BCS1L: variants seen among roughly 807,000 people sequenced by gnomAD.
The protein encoded by BCS1L is mitochondrial chaperone BCS1.
A neutral mutation model predicts 49.3 loss-of-function variants in BCS1L; 38 were observed. That is an observed-to-expected ratio of 0.77 (90% CI 0.59 to 1.01). The LOEUF (loss-of-function observed/expected upper bound fraction) is 1.01. Among genes scored for constraint, BCS1L ranks in the 50% least tolerant of loss-of-function variants. The pLI, the probability that BCS1L is intolerant of heterozygous loss-of-function variation, is 0.00. For synonymous variants in BCS1L, 193 were observed against 210.1 expected (o/e 0.92, Z 0.70); for missense variants, 394 against 540.2 (o/e 0.73, Z 2.68).
upstream of BCS1L, chr2:218,659,602 G>C (rs1379574537): frequency 6.6e-6 from 1 of 152,296 alleles, no homozygotes; most frequent in African/African-American, 2.4e-5. This position sits in a 1 kb window ranked among gnomAD's most constrained non-coding sequence, Gnocchi z 4.4. Flanking sequence ...GCACCATCGA[G>C]AGCTCTGGGG....
At chr2:218,660,882 G>C (rs1939304508) in intron 1 of BCS1L, 57 bp from the exon 2 acceptor site, 1 of 1,289,998 alleles carries the variant, frequency 7.8e-7, no homozygotes, top group East Asian at 2.3e-5. Context: ...GCCAGGGCTG[G>C]GGAGGTCCAA....
Position 218,662,877 on chromosome 2 carries a change from C to T in BCS1L, c.890-6C>T, listed in dbSNP as rs2106330666. Reference sequence around the variant, plus strand: ...CTCATGCTTCCTTATCTTTGCCTTCCTCCAGACCCAGTAAAGTACCAAGGC... The same window carrying T: ...CTCATGCTTCCTTATCTTTGCCTTCTTCCAGACCCAGTAAAGTACCAAGGC... On this transcript the variant is annotated splice_polypyrimidine_tract_variant and splice_region_variant and intron_variant, in intron 6 of 7. Transcript: ENST00000359273. This position sits in a 1 kb window ranked among gnomAD's most constrained non-coding sequence, Gnocchi z 5.8. 4 of 1,613,568 alleles carry T rather than the reference C, an allele frequency of 2.5e-6. No individual in the cohort carries two copies. The highest frequency in any genetic ancestry group is 3.4e-6 in the Non-Finnish European group (4 of 1,179,538).
rs1939521776 is a variant in BCS1L, at chr2:218,662,066, A to G, written c.655+113A>G. ...GCTCTAGTCCAATTCCCAGAGATTA[A>G]GAGGAATGAAAAGTTGTGTATGAGA... is the stretch of plus-strand genomic sequence containing the variant. On this transcript the variant is annotated intron_variant, in intron 4 of 7. Coordinates refer to ENST00000359273, the MANE Select transcript of BCS1L (RefSeq NM_001079866.2). This position sits in a 1 kb window ranked among gnomAD's most constrained non-coding sequence, Gnocchi z 5.8. 1 of 1,489,164 alleles carries G rather than the reference A, an allele frequency of 6.7e-7. No individual in the cohort carries two copies. Among genetic ancestry groups the G allele is most frequent in the Non-Finnish European group, 9.4e-7 (1 of 1,068,116 alleles). The allele number at this position is 1,489,164 out of a possible 1,614,324, so 92.2% of individuals were successfully genotyped here. A position where few individuals can be genotyped will look rare whatever the true frequency, so the allele number is the denominator to read the frequency against.
In BCS1L at chr2:218,662,294, A is replaced by G; in HGVS notation, c.719+34A>G. The G allele has an allele frequency of 1.9e-6, 3 of 1,596,670 alleles. No individual in the cohort carries two copies. Among genetic ancestry groups the G allele is most frequent in the Non-Finnish European group, 1.7e-6 (2 of 1,164,190 alleles). On this transcript the variant is annotated intron_variant, in intron 5 of 7. Transcript: ENST00000359273. This position sits in a 1 kb window ranked among gnomAD's most constrained non-coding sequence, Gnocchi z 5.8. Reference sequence around the variant, plus strand: ...TCAAAATTTCTCTCAACTTGGCAAAACGAAGCCTTTGTGGAAACACTAGGC... The same window carrying G: ...TCAAAATTTCTCTCAACTTGGCAAAGCGAAGCCTTTGTGGAAACACTAGGC...
Position 218,661,180 on chromosome 2 carries a change from A to C in BCS1L, c.193A>C (p.Ser65Arg), listed in dbSNP as rs749184815. The C allele has an allele frequency of 8.1e-6, 13 of 1,614,074 alleles. No homozygotes were observed. The Admixed American group carries it at 1.3e-4, about 17-fold the overall frequency. The change falls in exon 2 of 8, where the codon AGC becomes CGC. Residue 65 changes from serine (S) to arginine (R), a missense_variant. Physicochemically the swap from Ser to Arg is moderately radical, Grantham distance 110. Coordinates refer to ENST00000359273, the MANE Select transcript of BCS1L (RefSeq NM_001079866.2). This position sits in a 1 kb window ranked among gnomAD's most constrained non-coding sequence, Gnocchi z 5.9. ...AGACAGGAGCTATGCCTGGTTGCTT[A>C]GCTGGCTCACCCGCCACAGTACCCG... is the stretch of plus-strand genomic sequence containing the variant. Reference protein sequence around the residue: ...ARDRSYAWLLSWLTRHSTRTQ... With the variant: ...ARDRSYAWLLRWLTRHSTRTQ...
chr2:218,660,662 T>C, intron 1 of BCS1L: 1 of 301,736 alleles, frequency 3.3e-6, no homozygotes. Flanking sequence ...AAAAATCCTG[T>C]CCATCCATTA....
At position 218,662,706 on chromosome 2, in the gene BCS1L, G is replaced by A; in HGVS notation, c.889+27G>A. On this transcript the variant is annotated intron_variant, in intron 6 of 7. Transcript: ENST00000359273. This position sits in a 1 kb window ranked among gnomAD's most constrained non-coding sequence, Gnocchi z 5.8. ...TAAGTGAGGGGTTCTGGAGGAAGTG[G>A]AGTGGGTAACTGTGGAACAGGGGAA... is the stretch of plus-strand genomic sequence containing the variant. The A allele has an allele frequency of 6.2e-7, 1 of 1,614,004 alleles. No homozygotes were observed. Among genetic ancestry groups the A allele is most frequent in the South Asian group, 1.1e-5 (1 of 91,054 alleles).
intron 1 of BCS1L, chr2:218,660,630 C>T (rs1051293368): frequency 3.8e-6 from 1 of 260,974 alleles, no homozygotes; most frequent in Admixed American, 4.9e-5. Flanking sequence ...CCCTTTTTAT[C>T]ATAGCTGGTC....
rs1359995297 is a variant in BCS1L at position 218,661,330 on chromosome 2, G to A, written c.320+23G>A. On this transcript the variant is annotated intron_variant, in intron 2 of 7. Coordinates refer to ENST00000359273, the MANE Select transcript of BCS1L (RefSeq NM_001079866.2). This position sits in a 1 kb window ranked among gnomAD's most constrained non-coding sequence, Gnocchi z 5.9. Reference sequence around the variant, plus strand: ...CTGGTAAGGTGGGGAGCTAGGGAGGGCTGTGAGAGTAGAAAAGAATGATGG... The same window carrying A: ...CTGGTAAGGTGGGGAGCTAGGGAGGACTGTGAGAGTAGAAAAGAATGATGG... The A allele has an allele frequency of 6.2e-7, 1 of 1,614,072 alleles. No homozygotes were observed. The highest frequency in any genetic ancestry group is 1.3e-5 in the African/African-American group (1 of 74,932).
upstream of BCS1L, chr2:218,658,818 T>C (rs533612995): frequency 2.0e-5 from 3 of 152,136 alleles, no homozygotes; most frequent in African/African-American, 7.2e-5. Flanking sequence ...GAGGGCAGGG[T>C]GAGGTAGGAG....
At chr2:218,660,565 AG>A (rs1939248662) in intron 1 of BCS1L, 1 of 208,436 alleles carries the variant, frequency 4.8e-6, no homozygotes, top group South Asian at 8.9e-5. Flanking sequence ...AACAAGACAT[AG>A]GGTTACTGAC....
In BCS1L at chr2:218,661,505, G is replaced by C. The variant is rs768958849; in HGVS notation, c.420G>C (p.Leu140=). ...TPWESVTFTA[L]GTDRKVFFNI... is the part of the protein sequence containing the mutation. ...GGGAATCTGTCACCTTCACGGCCCT[G>C]GGCACTGACCGAAAGGTTTTCTTCA... is the stretch of plus-strand genomic sequence containing the variant. Residue 140 remains leucine, a synonymous_variant, in exon 3 of 8, where the codon CTG becomes CTC. Coordinates refer to ENST00000359273, the MANE Select transcript of BCS1L (RefSeq NM_001079866.2). This position sits in a 1 kb window ranked among gnomAD's most constrained non-coding sequence, Gnocchi z 5.9. The C allele has an allele frequency of 6.2e-7, 1 of 1,614,070 alleles. No homozygotes were observed. Among genetic ancestry groups the C allele is most frequent in the South Asian group, 1.1e-5 (1 of 91,090 alleles).
Position 218,660,928 on chromosome 2 carries a change from C to G in BCS1L, c.-49-11C>G. The G allele has an allele frequency of 1.9e-6, 3 of 1,585,748 alleles. No individual in the cohort carries two copies. The highest frequency in any genetic ancestry group is 2.6e-6 in the Non-Finnish European group (3 of 1,159,222). The stretch of plus-strand genomic sequence containing the variant: ...GTGCTTTGTCCCATCTCCACTGTTC[C>G]CCACCCCTAGGTTTTCGTAACACCC... On this transcript the variant is annotated splice_polypyrimidine_tract_variant and intron_variant, in intron 1 of 7. Transcript: ENST00000359273.
At chr2:218,659,262 G>A (rs1376213903), upstream of BCS1L, 1 of 152,444 alleles carries the variant, frequency 6.6e-6, no homozygotes, top group Non-Finnish European at 1.5e-5. The surrounding 1 kb of genome is among the most constrained non-coding windows in gnomAD (Gnocchi z 4.4). Context: ...CCTTCCGAGA[G>A]TTCCCAGCGC....
Position 218,661,039 on chromosome 2 carries a change from G to A in BCS1L, c.52G>A (p.Ala18Thr). 1 of 1,614,140 alleles carries A rather than the reference G, an allele frequency of 6.2e-7. No individual in the cohort carries two copies. The highest frequency in any genetic ancestry group is 8.5e-7 in the Non-Finnish European group (1 of 1,180,044). Residue 18 changes from alanine to threonine, a missense_variant, in exon 2 of 8, where the codon GCT (alanine) becomes ACT (threonine). Ala to Thr is a moderately conservative substitution (Grantham distance 58). Transcript: ENST00000359273. The surrounding 1 kb of genome is among the most constrained non-coding windows in gnomAD (Gnocchi z 5.9). ...LALKDNPYFG[A>T]GFGLVGVGTA... ...TCTGAAGGACAATCCCTACTTTGGGGCTGGATTTGGGCTGGTGGGTGTGGG... is the reference window on the plus strand; with the variant it reads ...TCTGAAGGACAATCCCTACTTTGGGACTGGATTTGGGCTGGTGGGTGTGGG...
In BCS1L at chr2:218,662,891, A is replaced by G; in HGVS notation, c.898A>G (p.Lys300Glu). ...TCTTTGCCTTCCTCCAGACCCAGTA[A>G]AGTACCAAGGCCTAGGTCGCCTCAC... ...SRDLAVENPV[K>E]YQGLGRLTFS... is the part of the protein sequence containing the mutation. Residue 300 changes from lysine (K) to glutamate (E), a missense_variant, in exon 7 of 8, where the codon AAG becomes GAG. Physicochemically the swap from Lys to Glu is moderately conservative, Grantham distance 56 (BLOSUM62 1). Transcript: ENST00000359273. The surrounding 1 kb of genome is among the most constrained non-coding windows in gnomAD (Gnocchi z 5.8). 2 of 1,613,986 alleles carry G rather than the reference A, an allele frequency of 1.2e-6. No homozygotes were observed. The highest frequency in any genetic ancestry group is 1.7e-6 in the Non-Finnish European group (2 of 1,179,960).
Position 218,662,770 on chromosome 2 carries a change from G to A in BCS1L, c.889+91G>A. On this transcript the variant is annotated intron_variant, in intron 6 of 7. Coordinates refer to ENST00000359273, the MANE Select transcript of BCS1L (RefSeq NM_001079866.2). The surrounding 1 kb of genome is among the most constrained non-coding windows in gnomAD (Gnocchi z 5.8). Reference sequence around the variant, plus strand: ...CAGAGGGCTGGTGGAAGATGCCTGGGTTAGTGACAAGAGCCCACAAGACAC... The same window carrying A: ...CAGAGGGCTGGTGGAAGATGCCTGGATTAGTGACAAGAGCCCACAAGACAC... 6.2e-7 allele frequency: 1 copy of A among 1,603,894 alleles called. No homozygotes were observed. Among genetic ancestry groups the A allele is most frequent in the Admixed American group, 1.7e-5 (1 of 60,016 alleles).
intron 7 of BCS1L, 50 bp from the exon 8 acceptor site, chr2:218,663,084 G>A: frequency 1.2e-6 from 2 of 1,614,138 alleles, no homozygotes; most frequent in Non-Finnish European, 1.7e-6. Context: ...AGGTCGAGGG[G>A]CCATCTCTGT....
In BCS1L at chr2:218,661,561, G is replaced by A. The variant is rs1279318214; in HGVS notation, c.460+16G>A. On this transcript the variant is annotated intron_variant, in intron 3 of 7. Coordinates refer to ENST00000359273, the MANE Select transcript of BCS1L (RefSeq NM_001079866.2). The surrounding 1 kb of genome is among the most constrained non-coding windows in gnomAD (Gnocchi z 5.9). ...CTGGAGGAAGGTGTGGGATGGCACA[G>A]GCAGGCTTTCTAGGGACATTGCAGG... 4 of 1,614,008 alleles carry A rather than the reference G, an allele frequency of 2.5e-6. No individual in the cohort carries two copies. Among genetic ancestry groups the A allele is most frequent in the Non-Finnish European group, 3.4e-6 (4 of 1,179,986 alleles).
Sources: allele counts gnomAD v4.1 joint callset, GRCh38; gene constraint gnomAD v4.1.1; non-coding constraint Gnocchi (gnomAD v3.1); transcripts MANE v1.5; gene names NCBI Gene and HGNC (gene_info 2026-07-23, HGNC 2026-07-21).